Variants in DRC8 observed in about 807,000 individuals in gnomAD.
DRC8 encodes dynein regulatory complex protein 8.
the DRC8 span, among the ~76,000 whole-genome samples, chr1:245,110,750 T>G: frequency 6.6e-6 from 1 of 152,262 alleles, no homozygotes; most frequent in South Asian, 2.1e-4. Flanking sequence ...TTATAGGGCA[T>G]GTGTAAGTCA....
At chr1:245,103,782 C>CAAGCA in the DRC8 span, among the ~76,000 whole-genome samples, 1 of 152,186 alleles carries the variant, frequency 6.6e-6, no homozygotes, top group Non-Finnish European at 1.5e-5. Context: ...TTCCTAGTAC[C>CAAGCA]AAGCACTGGA....
chr1:245,085,262 T>C, the DRC8 span, among the ~76,000 whole-genome samples: 1 of 151,814 alleles, frequency 6.6e-6, no homozygotes, highest in East Asian at 1.9e-4. Context: ...GAAAACTTGG[T>C]TTGGGAAGAC....
chr1:245,059,362 C>A, the DRC8 span: 3 of 1,582,880 alleles, frequency 1.9e-6, no homozygotes, highest in Admixed American at 5.2e-5. Context: ...ATTCTAAAAC[C>A]ATTGAAAACT....
chr1:244,971,368 T>G, the DRC8 span, among the ~76,000 whole-genome samples: 5 of 152,202 alleles, frequency 3.3e-5, no homozygotes, highest in Non-Finnish European at 5.9e-5. Context: ...GCTTCGAGGC[T>G]TAAGGTCGCC....
chr1:245,098,304 C>T, the DRC8 span, among the ~76,000 whole-genome samples: 143 of 152,096 alleles, frequency 9.4e-4, no homozygotes, highest in South Asian at 0.011. Flanking sequence ...TCTGGAGCTC[C>T]GGAGAGCCTG....
chr1:244,992,002 G>C, the DRC8 span, among the ~76,000 whole-genome samples: 1 of 152,160 alleles, frequency 6.6e-6, no homozygotes, highest in African/African-American at 2.4e-5. Context: ...CCATAGATAG[G>C]AAGAGCCGAC....
At chr1:245,081,412 C>T in the DRC8 span, among the ~76,000 whole-genome samples, 6 of 152,208 alleles carry the variant, frequency 3.9e-5, no homozygotes, top group Admixed American at 3.3e-4. Context: ...CCACCCACCT[C>T]GGCCTCCCAA....
chr1:245,096,702 A>G, the DRC8 span, among the ~76,000 whole-genome samples: 1 of 152,260 alleles, frequency 6.6e-6, no homozygotes, highest in Non-Finnish European at 1.5e-5. Flanking sequence ...CAAATGTTTT[A>G]TGTGTTCACA....
chr1:245,046,335 C>T, the DRC8 span, among the ~76,000 whole-genome samples: 12 of 152,210 alleles, frequency 7.9e-5, no homozygotes, highest in East Asian at 2.3e-3. Context: ...AGACAGACCT[C>T]GATCTCTTTC....
At chr1:244,988,045 T>C in the DRC8 span, among the ~76,000 whole-genome samples, 2 of 152,244 alleles carry the variant, frequency 1.3e-5, no homozygotes, top group African/African-American at 2.4e-5. Context: ...TTTTCTCCTA[T>C]GGTTTAGATT....
At chr1:245,066,864 G>T in the DRC8 span, among the ~76,000 whole-genome samples, 3 of 151,860 alleles carry the variant, frequency 2.0e-5, no homozygotes, top group Admixed American at 1.3e-4. Context: ...CCGAGATTGC[G>T]CCAGTGCACT....
the DRC8 span, among the ~76,000 whole-genome samples, chr1:245,114,946 G>T: frequency 5.9e-5 from 9 of 152,184 alleles, no homozygotes; most frequent in Admixed American, 5.9e-4. Flanking sequence ...GGATGGTCTC[G>T]ATCTCGTGAC....
At chr1:245,123,239 C>A in the DRC8 span, 2 of 152,180 alleles carry the variant, frequency 1.3e-5, no homozygotes, top group Non-Finnish European at 2.9e-5. This position sits in a 1 kb window ranked among gnomAD's most constrained non-coding sequence, Gnocchi z 5.0. Flanking sequence ...TCAGGATGTA[C>A]TTCTCCCAGC....
the DRC8 span, chr1:245,083,786 C>T: frequency 6.8e-7 from 1 of 1,469,964 alleles, no homozygotes; most frequent in Non-Finnish European, 9.0e-7. Flanking sequence ...TAAAATCAGT[C>T]ATTCTGGTGA....
At chr1:245,116,733 T>C in the DRC8 span, among the ~76,000 whole-genome samples, 7 of 152,244 alleles carry the variant, frequency 4.6e-5, no homozygotes, top group African/African-American at 1.7e-4. Context: ...AAGATTAATG[T>C]TGTCAAAGTA....
chr1:245,105,351 T>A, the DRC8 span, among the ~76,000 whole-genome samples: 3,634 of 152,178 alleles, frequency 0.024, 157 homozygotes, highest in African/African-American at 0.081. Context: ...GATTTTTTTT[T>A]AAAAAGATTC....
At chr1:244,989,443 C>T in the DRC8 span, among the ~76,000 whole-genome samples, 9 of 152,154 alleles carry the variant, frequency 5.9e-5, no homozygotes, top group Non-Finnish European at 1.2e-4. Context: ...GGTCAGAATG[C>T]CCCTCTATTA....
chr1:245,095,370 A>G, the DRC8 span, among the ~76,000 whole-genome samples: 9 of 152,364 alleles, frequency 5.9e-5, no homozygotes, highest in South Asian at 1.9e-3. Context: ...AAATAAATAA[A>G]TAATAAACAC....
the DRC8 span, among the ~76,000 whole-genome samples, chr1:245,121,742 A>T: frequency 6.6e-6 from 1 of 152,120 alleles, no homozygotes; most frequent in Non-Finnish European, 1.5e-5. Flanking sequence ...TATCTCCCGC[A>T]GTCCCAGTGC....
Sources: gnomAD v4.1 joint callset for allele counts (sites outside exome capture counted in the v4.1 genomes callset) on GRCh38, gnomAD v4.1.1 for gene constraint, Gnocchi (gnomAD v3.1) non-coding constraint, MANE v1.5 for transcripts, NCBI Gene and HGNC (gene_info 2026-07-23, HGNC 2026-07-21) for gene names.